Variants in HCRTR2 observed in about 807,000 individuals in gnomAD.
The protein encoded by HCRTR2 is orexin receptor type 2.
In HCRTR2, 22 loss-of-function variants were observed where a neutral mutation model predicts 49.0. The observed-to-expected ratio is 0.45, with a 90% CI of 0.32 to 0.64. The LOEUF is 0.64. HCRTR2 is among the 30% of genes least tolerant of loss of function. HCRTR2 has a pLI of 0.04. For synonymous variants in HCRTR2, 236 were observed against 205.3 expected (o/e 1.15, Z -1.28); for missense variants, 491 against 559.4 (o/e 0.88, Z 1.23).
chr6:55,111,346 C>G lies in HCRTR2; in HGVS notation c.-378+4801C>G, dbSNP rs538528409. Reference sequence around the variant, plus strand: ...TGAGCAGAACTGAATGAAATTGAAACAAAAAACATAAGATAAATGAAACAA... The same window carrying G: ...TGAGCAGAACTGAATGAAATTGAAAGAAAAAACATAAGATAAATGAAACAA... On this transcript the variant is annotated intron_variant, in intron 1 of 7. Transcript: ENST00000615358. 7.3e-5 allele frequency among the ~76,000 whole-genome samples: 10 copies of G among 137,090 alleles called. 3 individuals are homozygous for G. The highest frequency in any genetic ancestry group is 2.5e-4 in the African/African-American group (10 of 40,050). The allele number at this position is 137,090 out of a possible 152,430, so 89.9% of individuals were successfully genotyped here.
intron 1 of HCRTR2, among the ~76,000 whole-genome samples, chr6:55,202,385 A>T (rs780393614): frequency 4.6e-5 from 7 of 152,182 alleles, no homozygotes; most frequent in Non-Finnish European, 7.3e-5. Flanking sequence ...GGTGATAGAC[A>T]TTCATCAATG....
At chr6:55,270,118 G>A (rs930579035) in intron 4 of HCRTR2, among the ~76,000 whole-genome samples, 1 of 152,074 alleles carries the variant, frequency 6.6e-6, no homozygotes, top group African/African-American at 2.4e-5. Context: ...CAAAGATCCA[G>A]GGAGAAAATT....
intron 1 of HCRTR2, among the ~76,000 whole-genome samples, chr6:55,140,243 T>G (rs1764489167): frequency 6.6e-6 from 1 of 151,484 alleles, no homozygotes; most frequent in South Asian, 2.1e-4. Context: ...AGCCTCCTTT[T>G]TTCCATTATA....
intron 1 of HCRTR2, among the ~76,000 whole-genome samples, chr6:55,169,402 A>G (rs1384561245): frequency 2.0e-5 from 3 of 151,634 alleles, no homozygotes; most frequent in African/African-American, 7.3e-5. Flanking sequence ...TGTTTGTGGT[A>G]ATTTGTGACA....
chr6:55,250,963 A>G (rs1195158490), intron 2 of HCRTR2, among the ~76,000 whole-genome samples: 1 of 152,124 alleles, frequency 6.6e-6, no homozygotes, highest in Non-Finnish European at 1.5e-5. Context: ...ATGCACCAAG[A>G]GATTGGTGCA....
At chr6:55,212,357 A>G (rs1329043176) in intron 1 of HCRTR2, among the ~76,000 whole-genome samples, 2 of 152,198 alleles carry the variant, frequency 1.3e-5, no homozygotes, top group Non-Finnish European at 2.9e-5. Context: ...TTGTTCAAGT[A>G]GTAACATGCC....
At chr6:55,140,981 G>A (rs1764498277) in intron 1 of HCRTR2, among the ~76,000 whole-genome samples, 2 of 152,088 alleles carry the variant, frequency 1.3e-5, no homozygotes, top group African/African-American at 4.8e-5. Context: ...TTCAACAAGT[G>A]CTTATTTATT....
At chr6:55,155,786 C>T (rs758959861) in intron 1 of HCRTR2, among the ~76,000 whole-genome samples, 1 of 151,880 alleles carries the variant, frequency 6.6e-6, no homozygotes, top group Non-Finnish European at 1.5e-5. Flanking sequence ...AATTTAAACT[C>T]GTTGGCTATC....
chr6:55,268,303 T>C (rs1470901467), intron 4 of HCRTR2, among the ~76,000 whole-genome samples: 3 of 152,028 alleles, frequency 2.0e-5, no homozygotes, highest in African/African-American at 4.8e-5. Flanking sequence ...AGAGATACAA[T>C]ATATATAAGT....
chr6:55,191,840 C>A (rs2127278779), intron 1 of HCRTR2, among the ~76,000 whole-genome samples: 1 of 152,154 alleles, frequency 6.6e-6, no homozygotes, highest in African/African-American at 2.4e-5. Context: ...AAGACTTTAG[C>A]AAGCTCCATC....
At chr6:55,272,217 A>T (rs948546211) in intron 4 of HCRTR2, among the ~76,000 whole-genome samples, 5 of 152,180 alleles carry the variant, frequency 3.3e-5, no homozygotes, top group African/African-American at 9.6e-5. Flanking sequence ...CACAAGATTG[A>T]TGAATCTTGA....
intron 1 of HCRTR2, among the ~76,000 whole-genome samples, chr6:55,192,027 T>C (rs1002921160): frequency 2.6e-5 from 4 of 152,196 alleles, no homozygotes; most frequent in African/African-American, 9.7e-5. Context: ...ATTGCAATAA[T>C]TCAGACTTAA....
intron 2 of HCRTR2, among the ~76,000 whole-genome samples, chr6:55,249,257 T>A (rs1766504516): frequency 6.6e-6 from 1 of 152,162 alleles, no homozygotes; most frequent in Non-Finnish European, 1.5e-5. Flanking sequence ...CAATTAATGA[T>A]CTGCCAGTCC....
At position 55,174,753 on chromosome 6, in the gene HCRTR2, G is replaced by A; in HGVS notation, c.166G>A (p.Val56Ile). Residue 56 changes from valine (V) to isoleucine (I), a missense_variant, in exon 1 of 7, where the codon GTC becomes ATC. By Grantham distance (29) the Val-to-Ile change is conservative. Coordinates refer to ENST00000370862, the MANE Select transcript of HCRTR2 (RefSeq NM_001384272.1). ...EYLHPKEYEW[V>I]LIAGYIIVFV... ...CCTGCACCCGAAAGAATATGAGTGG[G>A]TCCTGATCGCCGGGTACATCATCGT... 12 of 1,614,076 alleles carry A rather than the reference G, an allele frequency of 7.4e-6. No homozygotes were observed. The highest frequency in any genetic ancestry group is 1.0e-5 in the Non-Finnish European group (12 of 1,180,008).
chr6:55,117,668 A>G (rs1291759691), intron 1 of HCRTR2, among the ~76,000 whole-genome samples: 2 of 148,038 alleles, frequency 1.4e-5, no homozygotes, highest in Non-Finnish European at 3.0e-5. Flanking sequence ...TGTTGTAATT[A>G]TTTTCTGCAT....
Position 55,224,239 on chromosome 6 carries a change from T to C in HCRTR2, c.224-24400T>C, listed in dbSNP as rs140641121. On this transcript the variant is annotated intron_variant, in intron 1 of 6. Coordinates refer to ENST00000370862, the MANE Select transcript of HCRTR2 (RefSeq NM_001384272.1). ...ATCCAAAGAAAATCAGTTCAGTATG[T>C]CAAAGAGATGTTTCGTATTCATTGC... Among the ~76,000 whole-genome samples the C allele has an allele frequency of 1.8e-3, 274 of 152,290 alleles. 1 individual carries two copies. The highest frequency in any genetic ancestry group is 3.1e-3 in the Admixed American group (48 of 15,306).
chr6:55,242,872 A>G (rs981703935), intron 1 of HCRTR2, among the ~76,000 whole-genome samples: 1 of 152,330 alleles, frequency 6.6e-6, no homozygotes, highest in African/African-American at 2.4e-5. Flanking sequence ...ATATTGTATT[A>G]TTTTCCCATT....
intron 1 of HCRTR2, among the ~76,000 whole-genome samples, chr6:55,175,564 CTGTT>C (rs1190891223): frequency 6.6e-6 from 1 of 151,572 alleles, no homozygotes; most frequent in Non-Finnish European, 1.5e-5. Flanking sequence ...TTCATGTCAA[CTGTT>C]TGTTGTTGTT....
At chr6:55,216,873 A>G (rs939371438) in intron 1 of HCRTR2, among the ~76,000 whole-genome samples, 5 of 152,174 alleles carry the variant, frequency 3.3e-5, no homozygotes, top group Non-Finnish European at 5.9e-5. Context: ...TGTCCCTGTG[A>G]CAAGTCTCTG....
Sources: gnomAD v4.1 joint callset for allele counts (sites outside exome capture counted in the v4.1 genomes callset) on GRCh38, gnomAD v4.1.1 for gene constraint, MANE v1.5 for transcripts, NCBI Gene and HGNC (gene_info 2026-07-23, HGNC 2026-07-21) for gene names.